The following PDE4D variants were observed in gnomAD, a reference collection of about 807,000 sequenced individuals.
PDE4D encodes phosphodiesterase 4D.
Under a neutral mutation model 87.4 loss-of-function variants are expected in PDE4D, and 24 were observed. That is an observed-to-expected ratio of 0.27 (90% confidence interval 0.20 to 0.39). The LOEUF is 0.39. Among genes scored for constraint, PDE4D ranks in the 10% least tolerant of loss-of-function variants. PDE4D has a pLI of 1.00. For synonymous variants in PDE4D, 384 were observed against 383.2 expected (o/e 1.00, Z -0.02); for missense variants, 714 against 1,041.0 (o/e 0.69, Z 4.32).
intron 1 of PDE4D, among the ~76,000 whole-genome samples, chr5:59,255,348 A>G (rs1280649906): frequency 1.3e-5 from 2 of 152,104 alleles, no homozygotes; most frequent in East Asian, 3.9e-4. Flanking sequence ...TGAAACATTC[A>G]GAGTAGGCAA....
chr5:59,877,530 G>A (rs1208238802), intron 1 of PDE4D, among the ~76,000 whole-genome samples: 6 of 147,084 alleles, frequency 4.1e-5, no homozygotes, highest in Admixed American at 6.8e-5. Context: ...GCTTAGATAA[G>A]TTTGCAGGGC....
At chr5:59,569,409 T>G (rs1821449971) in intron 1 of PDE4D, among the ~76,000 whole-genome samples, 1 of 152,176 alleles carries the variant, frequency 6.6e-6, no homozygotes, top group South Asian at 2.1e-4. Context: ...ACCTTTGTCC[T>G]AAGATACAAA....
chr5:59,526,469 TC>T (rs1400179833), intron 1 of PDE4D, among the ~76,000 whole-genome samples: 1 of 152,192 alleles, frequency 6.6e-6, no homozygotes, highest in African/African-American at 2.4e-5. Flanking sequence ...AGCTTTTCTC[TC>T]CACTTTTAAA....
intron 6 of PDE4D, among the ~76,000 whole-genome samples, chr5:59,012,692 A>C (rs2153366735): frequency 6.6e-6 from 1 of 152,352 alleles, no homozygotes; most frequent in African/African-American, 2.4e-5. Context: ...AGACTTCTAC[A>C]CAATAATAAT....
intron 1 of PDE4D, among the ~76,000 whole-genome samples, chr5:59,368,341 T>A (rs1429956064): frequency 6.6e-6 from 1 of 152,188 alleles, no homozygotes; most frequent in African/African-American, 2.4e-5. Context: ...AATTGGGGAC[T>A]ACATTAAAAA....
chr5:59,311,904 G>T (rs1388161956), intron 1 of PDE4D, among the ~76,000 whole-genome samples: 1 of 152,066 alleles, frequency 6.6e-6, no homozygotes, highest in East Asian at 1.9e-4. Context: ...CTCCTCCAGG[G>T]CCCTGCATCG....
At chr5:59,150,877 G>C (rs1779379555) in intron 5 of PDE4D, among the ~76,000 whole-genome samples, 1 of 152,132 alleles carries the variant, frequency 6.6e-6, no homozygotes, top group Non-Finnish European at 1.5e-5. Context: ...GAGAAGCTAT[G>C]GCAAGCCATG....
chr5:60,408,109 G>T (rs866968115), intron 1 of PDE4D, among the ~76,000 whole-genome samples: 1 of 152,146 alleles, frequency 6.6e-6, no homozygotes, highest in Non-Finnish European at 1.5e-5. Context: ...GTGAGGGAAG[G>T]TGTCTTTATG....
At chr5:59,960,722 G>A (rs1479748552) in intron 3 of PDE4D, among the ~76,000 whole-genome samples, 2 of 151,992 alleles carry the variant, frequency 1.3e-5, no homozygotes, top group African/African-American at 4.8e-5. Flanking sequence ...GAGGGAGAGA[G>A]GAGGCAAGGG....
chr5:59,648,762 T>C (rs1742895222), intron 1 of PDE4D, among the ~76,000 whole-genome samples: 1 of 151,934 alleles, frequency 6.6e-6, no homozygotes, highest in African/African-American at 2.4e-5. Flanking sequence ...AAATTATTGC[T>C]GTATTCTCTT....
chr5:60,116,516 A>G (rs1403838574), intron 2 of PDE4D, among the ~76,000 whole-genome samples: 1 of 152,116 alleles, frequency 6.6e-6, no homozygotes, highest in Non-Finnish European at 1.5e-5. Context: ...CCAGATAAAG[A>G]GCAGAGGAGA....
chr5:59,234,254 A>G (rs2153518670), intron 1 of PDE4D, among the ~76,000 whole-genome samples: 1 of 152,270 alleles, frequency 6.6e-6, no homozygotes, highest in African/African-American at 2.4e-5. Context: ...ATAGATTATG[A>G]TATTCAATTA....
chr5:60,382,185 T>C (rs78585028), intron 1 of PDE4D, among the ~76,000 whole-genome samples: 1 of 152,162 alleles, frequency 6.6e-6, no homozygotes, highest in East Asian at 1.9e-4. Context: ...GAAATATATA[T>C]ATATTTATAT....
chr5:60,147,949 T>A, intron 2 of PDE4D: 1 of 316,748 alleles, frequency 3.2e-6, no homozygotes, highest in Non-Finnish European at 6.4e-6. Flanking sequence ...AAGTGGCACA[T>A]CATAACTCCT....
intron 1 of PDE4D, among the ~76,000 whole-genome samples, chr5:60,279,226 A>T (rs1751655897): frequency 6.6e-6 from 1 of 152,148 alleles, no homozygotes; most frequent in African/African-American, 2.4e-5. Context: ...TTGTTATCAT[A>T]GGGCAGTGGT....
chr5:59,218,452 T>C lies in PDE4D; in HGVS notation c.456-2484A>G, dbSNP rs200470044. On this transcript the variant is annotated intron_variant, in intron 1 of 14. Coordinates refer to ENST00000340635, the MANE Select transcript of PDE4D (RefSeq NM_001104631.2). ...AACAAATATTGCTAAATACCTTAAGTCATTTAGATAGTTATGATATTTTTA... is the reference window on the plus strand; with the variant it reads ...AACAAATATTGCTAAATACCTTAAGCCATTTAGATAGTTATGATATTTTTA... Among the ~76,000 whole-genome samples, 11 of 152,232 alleles carry C rather than the reference T, an allele frequency of 7.2e-5. No individual in the cohort carries two copies. In the East Asian group the frequency reaches 2.1e-3, roughly 29 times the overall value.
chr5:59,737,513 T>C (rs1758243252), intron 1 of PDE4D, among the ~76,000 whole-genome samples: 1 of 152,134 alleles, frequency 6.6e-6, no homozygotes, highest in African/African-American at 2.4e-5. Flanking sequence ...ACATACATAA[T>C]TTCTTAGCAA....
At chr5:60,238,798 A>T (rs887355699) in intron 1 of PDE4D, among the ~76,000 whole-genome samples, 5 of 151,924 alleles carry the variant, frequency 3.3e-5, no homozygotes, top group African/African-American at 9.7e-5. Flanking sequence ...GAAGTTTTTT[A>T]AAAATGTTGT....
intron 1 of PDE4D, chr5:60,521,502 G>A (rs894797608): frequency 2.1e-4 from 32 of 151,938 alleles, no homozygotes; most frequent in Admixed American, 1.2e-3. Context: ...AGAACACTAG[G>A]GCTTCACTCT....
Sources: allele counts gnomAD v4.1 joint callset (sites outside exome capture counted in the v4.1 genomes callset), GRCh38; gene constraint gnomAD v4.1.1; transcripts MANE v1.5; gene names NCBI Gene and HGNC (gene_info 2026-07-23, HGNC 2026-07-21).